Variants in MAOA observed in about 807,000 individuals in gnomAD.
MAOA encodes monoamine oxidase A.
A neutral mutation model predicts 42.0 loss-of-function variants in MAOA; 6 were observed. The observed-to-expected ratio is 0.14, with a 90% confidence interval of 0.08 to 0.28. MAOA has a LOEUF of 0.28. Among genes scored for constraint, MAOA ranks in the 10% least tolerant of loss-of-function variants. MAOA has a pLI of 1.00. For synonymous variants in MAOA, 140 were observed against 154.0 expected (o/e 0.91, Z 0.67); for missense variants, 262 against 422.3 (o/e 0.62, Z 3.33).
At chrX:43,669,844 A>G (rs1253351237) in intron 1 of MAOA, among the ~76,000 whole-genome samples, 1 of 111,731 alleles carries the variant, frequency 9.0e-6, no homozygotes, top group East Asian at 2.8e-4. Flanking sequence ...TGTTTATCTT[A>G]CTGAACAATG....
intron 6 of MAOA, among the ~76,000 whole-genome samples, chrX:43,730,888 TG>T (rs1404157256): frequency 1.8e-5 from 2 of 111,865 alleles, no homozygotes; most frequent in African/African-American, 3.3e-5. Context: ...GCCCTGTGCC[TG>T]CCCCTTCTCA....
At chrX:43,696,465 C>T (rs866454150) in intron 3 of MAOA, among the ~76,000 whole-genome samples, 8 of 112,346 alleles carry the variant, frequency 7.1e-5, no homozygotes. Flanking sequence ...CGCGGTGGCT[C>T]ATGCCTGTAA....
At chrX:43,723,205 G>GT (rs1316893411) in intron 5 of MAOA, among the ~76,000 whole-genome samples, 1 of 111,519 alleles carries the variant, frequency 9.0e-6, no homozygotes, top group Non-Finnish European at 1.9e-5. Context: ...GTTTAAAGTA[G>GT]TTTTTTCCAA....
At chrX:43,683,486 C>G in intron 1 of MAOA, 27 bp from the exon 2 acceptor site, 1 of 1,090,567 alleles carries the variant, frequency 9.2e-7, no homozygotes, top group African/African-American at 1.8e-5. Flanking sequence ...TTGAATGTTA[C>G]GTTGCTCTTT....
rs1357741103 is a variant in MAOA, at chrX:43,657,961, T to C, written c.73+1547T>C. On this transcript the variant is annotated intron_variant, in intron 1 of 14. Transcript: ENST00000338702. ...TGGAGCATCAGAGGAAAGCAGCTCC[T>C]GGTGGAGAGTAAGAAAAAGGAGTAT... The C allele has an allele frequency of 6.9e-6, 5 of 727,670 alleles. No individual in the cohort carries two copies. The African/African-American group carries it at 1.2e-4, about 17-fold the overall frequency. 60.0% of individuals were successfully genotyped at this position (727,670 alleles called of 1,213,427 possible).
chrX:43,729,040 T>TA (rs764137063), intron 6 of MAOA, among the ~76,000 whole-genome samples: 157 of 112,688 alleles, frequency 1.4e-3, no homozygotes, highest in Admixed American at 2.8e-3. Flanking sequence ...AGTAGCAGTT[T>TA]ACTTCTAACT....
chrX:43,744,459 A>G lies in MAOA; in HGVS notation c.1530A>G (p.Ser510=). ...GLLKIIGFST[S]VTALGFVLYK... ...TGAAGATCATTGGATTTTCCACATC[A>G]GTAACTGCCCTGGGGTTTGTGCTGT... Residue 510 remains serine, a synonymous_variant, in exon 15 of 15, where the codon TCA becomes TCG. Transcript: ENST00000338702. 6 of 1,210,573 alleles carry G rather than the reference A, an allele frequency of 5.0e-6. No individual in the cohort carries two copies. Among genetic ancestry groups the G allele is most frequent in the Non-Finnish European group, 6.7e-6 (6 of 894,549 alleles).
chrX:43,676,137 C>T (rs961831751), intron 1 of MAOA, among the ~76,000 whole-genome samples: 5 of 112,257 alleles, frequency 4.5e-5, no homozygotes, highest in Non-Finnish European at 9.4e-5. Context: ...CCTAAGCAAG[C>T]CTGGGCAATG....
intron 1 of MAOA, among the ~76,000 whole-genome samples, chrX:43,664,070 C>CCT (rs2033257227): frequency 8.9e-6 from 1 of 112,439 alleles, no homozygotes; most frequent in Non-Finnish European, 1.9e-5. Flanking sequence ...TTAGCTGATA[C>CCT]TGAGACTTCA....
chrX:43,709,344 T>C (rs2033682431), intron 3 of MAOA, among the ~76,000 whole-genome samples: 1 of 111,707 alleles, frequency 9.0e-6, no homozygotes, highest in African/African-American at 3.3e-5. Context: ...GTTAGGAATG[T>C]GGGACACATT....
At chrX:43,684,351 T>C (rs765677520) in intron 2 of MAOA, among the ~76,000 whole-genome samples, 4 of 110,240 alleles carry the variant, frequency 3.6e-5, no homozygotes, top group Non-Finnish European at 7.6e-5. Flanking sequence ...AGGGAGATAA[T>C]GAAGAGTGGG....
chrX:43,681,770 T>A (rs2033444189), intron 1 of MAOA, among the ~76,000 whole-genome samples: 1 of 109,484 alleles, frequency 9.1e-6, no homozygotes, highest in Admixed American at 9.9e-5. Context: ...CTATGAGAAG[T>A]ATAATGAGAA....
intron 5 of MAOA, among the ~76,000 whole-genome samples, chrX:43,717,540 G>T (rs1205361535): frequency 1.8e-5 from 2 of 111,212 alleles, no homozygotes; most frequent in Non-Finnish European, 3.8e-5. Flanking sequence ...CAGGGTCATG[G>T]GGGAAAATTG....
intron 5 of MAOA, among the ~76,000 whole-genome samples, chrX:43,713,685 A>G (rs2033716252): frequency 9.0e-6 from 1 of 111,670 alleles, no homozygotes; most frequent in Non-Finnish European, 1.9e-5. Flanking sequence ...TTTTTCTAGC[A>G]GGCAAGACTG....
chrX:43,730,394 G>A (rs2033871293), intron 6 of MAOA, among the ~76,000 whole-genome samples: 3 of 109,641 alleles, frequency 2.7e-5, no homozygotes, highest in South Asian at 3.9e-4. Flanking sequence ...ATATCTAAAG[G>A]AGCAAGCAGA....
At chrX:43,716,297 G>T (rs932231203) in intron 5 of MAOA, among the ~76,000 whole-genome samples, 1 of 110,257 alleles carries the variant, frequency 9.1e-6, no homozygotes, top group East Asian at 2.9e-4. Flanking sequence ...CACAGGGCAG[G>T]GGGTAGATAT....
intron 3 of MAOA, among the ~76,000 whole-genome samples, chrX:43,700,975 G>A (rs2147089263): frequency 8.9e-6 from 1 of 111,864 alleles, no homozygotes; most frequent in East Asian, 2.8e-4. Flanking sequence ...AAGAAATTCT[G>A]TTTTGATGAT....
intron 1 of MAOA, among the ~76,000 whole-genome samples, chrX:43,669,353 G>T (rs1184251385): frequency 2.7e-5 from 3 of 110,596 alleles, no homozygotes; most frequent in Non-Finnish European, 3.8e-5. Context: ...AGGGGGCAGA[G>T]ATTGCAGTGA....
At chrX:43,700,461 A>T (rs1483964802) in intron 3 of MAOA, among the ~76,000 whole-genome samples, 2 of 111,799 alleles carry the variant, frequency 1.8e-5, no homozygotes, top group Non-Finnish European at 1.9e-5. Context: ...GACACAGTTT[A>T]TATTTCACAG....
Sources: allele counts gnomAD v4.1 joint callset (sites outside exome capture counted in the v4.1 genomes callset), GRCh38; gene constraint gnomAD v4.1.1; transcripts MANE v1.5; gene names NCBI Gene and HGNC (gene_info 2026-07-23, HGNC 2026-07-21).